Variants in CAMTA1 observed in about 807,000 individuals in gnomAD.
The protein encoded by CAMTA1 is calmodulin-binding transcription activator 1.
CAMTA1 carries 27 observed loss-of-function variants against 170.9 expected under a neutral mutation model. That is an observed-to-expected ratio of 0.16 (90% CI 0.12 to 0.22). The LOEUF is 0.22. Among genes scored for constraint, CAMTA1 ranks in the 10% least tolerant of loss-of-function variants. CAMTA1 has a pLI of 1.00. For synonymous variants in CAMTA1, 833 were observed against 891.5 expected, an observed-to-expected ratio of 0.93 and a Z score of 1.17; for missense variants, 1,619 against 2,217.2, an observed-to-expected ratio of 0.73 and a Z score of 5.42.
chr1:7,120,790 A>G (rs763212584), intron 4 of CAMTA1, among the ~76,000 whole-genome samples: 11 of 152,342 alleles, frequency 7.2e-5, no homozygotes. Flanking sequence ...CCTATGGGTC[A>G]AGAGGTTTAA....
At chr1:7,600,580 C>T (rs1279768184) in intron 6 of CAMTA1, among the ~76,000 whole-genome samples, 1 of 151,282 alleles carries the variant, frequency 6.6e-6, no homozygotes, top group Non-Finnish European at 1.5e-5. Context: ...GGAAGGTCAG[C>T]AGATAAGTGA....
intron 6 of CAMTA1, among the ~76,000 whole-genome samples, chr1:7,631,071 C>T (rs2095665842): frequency 6.6e-6 from 1 of 152,198 alleles, no homozygotes; most frequent in Non-Finnish European, 1.5e-5. Context: ...TTCCCCACTC[C>T]CCTGCACACC....
intron 11 of CAMTA1, chr1:7,698,368 C>A (rs1024020576): frequency 6.6e-6 from 1 of 152,256 alleles, no homozygotes; most frequent in Non-Finnish European, 1.5e-5. Context: ...TCCTGGCTGG[C>A]ATGCAGCCCA....
intron 11 of CAMTA1, among the ~76,000 whole-genome samples, chr1:7,727,743 T>C (rs1425197014): frequency 6.6e-6 from 1 of 152,248 alleles, no homozygotes; most frequent in East Asian, 1.9e-4. Flanking sequence ...TTAATTATCC[T>C]AATAAAGCTG....
chr1:7,548,655 C>T (rs1423887344), intron 6 of CAMTA1, among the ~76,000 whole-genome samples: 11 of 131,794 alleles, frequency 8.3e-5, no homozygotes, highest in South Asian at 5.2e-4. Flanking sequence ...GTGGAGGGTG[C>T]CCCCTTAGGG....
chr1:7,704,749 C>A (rs1439090845), intron 11 of CAMTA1, among the ~76,000 whole-genome samples: 1 of 147,630 alleles, frequency 6.8e-6, no homozygotes, highest in Non-Finnish European at 1.5e-5. Flanking sequence ...CGGAGCCCCG[C>A]GAGTCGTTCC....
rs540193274 is a variant in CAMTA1, at chr1:7,737,796, G to A, written c.3659-163G>A. Among the ~76,000 whole-genome samples the A allele has an allele frequency of 8.5e-4, 129 of 152,304 alleles. 2 individuals carry two copies. Among genetic ancestry groups the A allele is most frequent in the Middle Eastern group, 6.8e-3 (2 of 294 alleles). On this transcript the variant is annotated intron_variant, in intron 15 of 22. Transcript: ENST00000303635. Reference sequence around the variant, plus strand: ...GAAATACATAATTTTGGAGGAGGAAGATCTGAATCTGGTGTATGCTACTGG... The same window carrying A: ...GAAATACATAATTTTGGAGGAGGAAAATCTGAATCTGGTGTATGCTACTGG...
chr1:7,375,686 C>G (rs1278477497), intron 5 of CAMTA1, among the ~76,000 whole-genome samples: 1 of 152,232 alleles, frequency 6.6e-6, no homozygotes, highest in Non-Finnish European at 1.5e-5. Flanking sequence ...CCCATGGTTA[C>G]CCAGGCTGGA....
intron 5 of CAMTA1, among the ~76,000 whole-genome samples, chr1:7,386,017 G>T (rs754086808): frequency 1.3e-5 from 2 of 152,150 alleles, no homozygotes; most frequent in Non-Finnish European, 2.9e-5. Flanking sequence ...GCCCACCCTG[G>T]CTCCTCCAGG....
At chr1:7,221,105 C>G (rs954342831) in intron 4 of CAMTA1, among the ~76,000 whole-genome samples, 23 of 152,338 alleles carry the variant, frequency 1.5e-4, no homozygotes, top group African/African-American at 5.5e-4. Flanking sequence ...TTCTCAGAAC[C>G]CATCCCCTGG....
intron 3 of CAMTA1, among the ~76,000 whole-genome samples, chr1:7,086,982 A>G (rs1201262540): frequency 2.6e-5 from 4 of 152,198 alleles, no homozygotes; most frequent in African/African-American, 9.6e-5. Context: ...AGGGGCTGCA[A>G]GTGCAGGGGA....
At chr1:7,566,649 G>A (rs537445754) in intron 6 of CAMTA1, among the ~76,000 whole-genome samples, 46 of 152,284 alleles carry the variant, frequency 3.0e-4, no homozygotes, top group African/African-American at 1.1e-3. Context: ...GCCTGGCTGG[G>A]CCACAGAGCC....
chr1:7,592,892 C>G lies in CAMTA1; in HGVS notation c.511-47508C>G, dbSNP rs1263173645. On this transcript the variant is annotated intron_variant, in intron 6 of 22. Transcript: ENST00000303635. This position sits in a 1 kb window ranked among gnomAD's most constrained non-coding sequence, Gnocchi z 4.6. ...TCAGGCATCATGACCTCATGAAATG[C>G]AATATTGCATTAAACCTCAGCAGGG... 6.6e-6 allele frequency among the ~76,000 whole-genome samples: 1 copy of G among 152,168 alleles called. No individual in the cohort carries two copies. The highest frequency in any genetic ancestry group is 3.2e-3 in the Middle Eastern group (1 of 316).
chr1:7,179,197 T>TA (rs1651580464), intron 4 of CAMTA1, among the ~76,000 whole-genome samples: 2 of 152,206 alleles, frequency 1.3e-5, no homozygotes. Context: ...TGGCTGCTAA[T>TA]AACAATTCAA....
chr1:7,556,164 G>A (rs1193373583), intron 6 of CAMTA1, among the ~76,000 whole-genome samples: 6 of 152,294 alleles, frequency 3.9e-5, no homozygotes, highest in South Asian at 4.1e-4. Flanking sequence ...TAATTCCTGC[G>A]GGCTCTGGGC....
intron 4 of CAMTA1, among the ~76,000 whole-genome samples, chr1:7,227,884 G>A (rs970423799): frequency 6.6e-6 from 1 of 152,174 alleles, no homozygotes; most frequent in African/African-American, 2.4e-5. Context: ...ATGGGGACTC[G>A]GGGTGGCTGC....
chr1:6,888,034 T>C (rs1673697278), intron 3 of CAMTA1: 4 of 1,129,730 alleles, frequency 3.5e-6, no homozygotes, highest in Middle Eastern at 4.0e-4. Flanking sequence ...GCTGCCTTTT[T>C]CTTCCTAGCA....
In CAMTA1 at chr1:7,673,817, C is replaced by T. The variant is rs552383289; in HGVS notation, c.2779+2780C>T. ...ATTCATTCATTCATTTCTTCATTTGCCAAATAACTTTTGAGTAGCCCCTGC... is the reference window on the plus strand; with the variant it reads ...ATTCATTCATTCATTTCTTCATTTGTCAAATAACTTTTGAGTAGCCCCTGC... On this transcript the variant is annotated intron_variant, in intron 10 of 22. Transcript: ENST00000303635. This position sits in a 1 kb window ranked among gnomAD's most constrained non-coding sequence, Gnocchi z 4.6. Among the ~76,000 whole-genome samples the T allele has an allele frequency of 7.9e-4, 121 of 152,312 alleles. No homozygotes were observed. Among genetic ancestry groups the T allele is most frequent in the Middle Eastern group, 3.4e-3 (1 of 294 alleles).
intron 6 of CAMTA1, among the ~76,000 whole-genome samples, chr1:7,605,937 A>T (rs2095482956): frequency 6.6e-6 from 1 of 152,142 alleles, no homozygotes; most frequent in Admixed American, 6.5e-5. Context: ...AGGGACAACA[A>T]AGTGCTCTCA....
Sources: gnomAD v4.1 joint callset for allele counts (sites outside exome capture counted in the v4.1 genomes callset) on GRCh38, gnomAD v4.1.1 for gene constraint, Gnocchi (gnomAD v3.1) non-coding constraint, MANE v1.5 for transcripts, NCBI Gene and HGNC (gene_info 2026-07-23, HGNC 2026-07-21) for gene names.